SPTBN1: variants seen among roughly 807,000 people sequenced by gnomAD.
SPTBN1 encodes the protein spectrin beta chain, non-erythrocytic 1.
Under a neutral mutation model 266.4 loss-of-function variants are expected in SPTBN1, and 32 were observed. That is an observed-to-expected ratio of 0.12 (90% CI 0.09 to 0.16). SPTBN1 has a LOEUF of 0.16. Ranked by LOEUF, SPTBN1 falls within the 10% of genes least tolerant of loss-of-function variation. The pLI is 1.00. For synonymous variants in SPTBN1, 1,336 were observed against 1,162.2 expected (o/e 1.15, Z -3.04); for missense variants, 2,296 against 3,067.1 (o/e 0.75, Z 5.94).
At chr2:54,600,166 G>GC (rs1203001199) in intron 3 of SPTBN1, among the ~76,000 whole-genome samples, 1 of 152,188 alleles carries the variant, frequency 6.6e-6, no homozygotes, top group African/African-American at 2.4e-5. Flanking sequence ...GTGCAGACCT[G>GC]CCCCACACCT....
chr2:54,557,983 C>G lies in SPTBN1; in HGVS notation c.148+31417C>G, dbSNP rs553740327. On this transcript the variant is annotated intron_variant, in intron 2 of 35. Transcript: ENST00000356805. ...GCGGGCCGCGTTACCTCAGCAGACG[C>G]TAGAGAGTGAATGAGCCGCGCGGGC... The G allele has an allele frequency of 2.1e-3, 2,053 of 985,252 alleles. 3 individuals carry two copies. The highest frequency in any genetic ancestry group is 2.3e-3 in the Non-Finnish European group (1,932 of 829,768). 61.0% of individuals were successfully genotyped at this position (985,252 alleles called of 1,614,324 possible).
chr2:54,588,927 A>T (rs13420599), intron 2 of SPTBN1, among the ~76,000 whole-genome samples: 11,892 of 152,012 alleles, frequency 0.078, 1,564 homozygotes, highest in African/African-American at 0.27. Context: ...TTTGTTTTTT[A>T]AAAAATATTT....
rs776540361 is a variant in SPTBN1 at position 54,617,697 on chromosome 2, A to T, written c.647+9A>T. The stretch of plus-strand genomic sequence containing the variant: ...CTGATACACAAACACCGGTAAGTCC[A>T]TACAAATCATCCTAGCAATCGTGGG... On this transcript the variant is annotated intron_variant, in intron 6 of 35. Coordinates refer to ENST00000356805, the MANE Select transcript of SPTBN1 (RefSeq NM_003128.3). 1.9e-6 allele frequency: 3 copies of T among 1,613,562 alleles called. No homozygotes were observed. The highest frequency in any genetic ancestry group is 2.5e-6 in the Non-Finnish European group (3 of 1,179,624).
At chr2:54,466,596 A>C (rs1474889872) in intron 1 of SPTBN1, among the ~76,000 whole-genome samples, 1 of 24,834 alleles carries the variant, frequency 4.0e-5, no homozygotes, top group Non-Finnish European at 6.1e-5. Context: ...AAAAAAAAAA[A>C]AAAAAAAAAA....
intron 1 of SPTBN1, among the ~76,000 whole-genome samples, chr2:54,460,605 A>T (rs771127575): frequency 6.6e-6 from 1 of 152,202 alleles, no homozygotes; most frequent in Non-Finnish European, 1.5e-5. Flanking sequence ...GTCATCTGAT[A>T]TAGTCAATGT....
At chr2:54,475,145 G>T (rs892223263) in intron 1 of SPTBN1, among the ~76,000 whole-genome samples, 2 of 152,200 alleles carry the variant, frequency 1.3e-5, no homozygotes, top group African/African-American at 4.8e-5. Flanking sequence ...GGCAGAGGTT[G>T]CAGTGAGCTG....
chr2:54,460,169 A>G (rs1226513528), intron 1 of SPTBN1, among the ~76,000 whole-genome samples: 1 of 152,224 alleles, frequency 6.6e-6, no homozygotes, highest in Non-Finnish European at 1.5e-5. Flanking sequence ...ACATTTTAAC[A>G]AGACCTTTAA....
chr2:54,608,578 A>AG (rs1159764179), intron 3 of SPTBN1, among the ~76,000 whole-genome samples: 1 of 152,044 alleles, frequency 6.6e-6, no homozygotes, highest in Admixed American at 6.5e-5. Context: ...CCTCTACTAG[A>AG]GGGGGAGTGA....
At chr2:54,617,772 C>G in intron 6 of SPTBN1, 84 bp downstream of exon 6, 1 of 1,399,616 alleles carries the variant, frequency 7.1e-7, no homozygotes, top group East Asian at 2.3e-5. Context: ...TTTTCCATAT[C>G]CGTTGGCTTA....
At chr2:54,546,645 G>C (rs1672254913) in intron 2 of SPTBN1, 1 of 152,188 alleles carries the variant, frequency 6.6e-6, no homozygotes, top group African/African-American at 2.4e-5. Flanking sequence ...GTGGGAAATG[G>C]ATAAACTCTG....
At chr2:54,570,399 A>G (rs1372665004) in intron 2 of SPTBN1, among the ~76,000 whole-genome samples, 1 of 152,224 alleles carries the variant, frequency 6.6e-6, no homozygotes, top group Non-Finnish European at 1.5e-5. Flanking sequence ...AAATTATGCA[A>G]GTGGAAAGTT....
At chr2:54,506,795 C>T (rs1377347007) in intron 1 of SPTBN1, among the ~76,000 whole-genome samples, 1 of 151,842 alleles carries the variant, frequency 6.6e-6, no homozygotes, top group Non-Finnish European at 1.5e-5. Context: ...AACAACAAAC[C>T]AGTAGGAACA....
rs116438825 is a variant in SPTBN1, at chr2:54,472,749, T to C, written c.-48+16231T>C. The stretch of plus-strand genomic sequence containing the variant: ...GGGACTAATCTAAACAGCCAGTTAG[T>C]TTGGGTGCTCTGAATATGACATTTT... On this transcript the variant is annotated intron_variant, in intron 1 of 35. Coordinates refer to ENST00000356805, the MANE Select transcript of SPTBN1 (RefSeq NM_003128.3). Among the ~76,000 whole-genome samples, 935 of 152,088 alleles carry C rather than the reference T, an allele frequency of 6.1e-3. 10 individuals carry two copies. The highest frequency in any genetic ancestry group is 0.021 in the African/African-American group (882 of 41,486).
At chr2:54,480,419 A>G (rs1668038491) in intron 1 of SPTBN1, among the ~76,000 whole-genome samples, 1 of 152,244 alleles carries the variant, frequency 6.6e-6, no homozygotes, top group Admixed American at 6.5e-5. Context: ...CAGATGAACA[A>G]CACATCGTTT....
chr2:54,594,225 G>A (rs1440997157), intron 2 of SPTBN1, among the ~76,000 whole-genome samples: 1 of 143,206 alleles, frequency 7.0e-6, no homozygotes, highest in African/African-American at 2.9e-5. Context: ...GCTGGCTCCT[G>A]CCTCATGGGG....
chr2:54,481,631 G>A (rs768180588), intron 1 of SPTBN1, among the ~76,000 whole-genome samples: 15 of 152,040 alleles, frequency 9.9e-5, no homozygotes, highest in East Asian at 1.9e-4. Flanking sequence ...GACCAATACC[G>A]GCTTTTTAAT....
intron 2 of SPTBN1, among the ~76,000 whole-genome samples, chr2:54,576,084 T>C (rs1573450176): frequency 9.9e-6 from 1 of 100,882 alleles, no homozygotes; most frequent in African/African-American, 3.3e-5. Flanking sequence ...AGAGACAGTC[T>C]GGCTGTGTCT....
intron 1 of SPTBN1, among the ~76,000 whole-genome samples, chr2:54,507,233 C>T (rs1443256720): frequency 6.6e-6 from 1 of 152,138 alleles, no homozygotes; most frequent in Non-Finnish European, 1.5e-5. Context: ...TTCAGGCCAT[C>T]TGGATGTATA....
intron 24 of SPTBN1, among the ~76,000 whole-genome samples, chr2:54,648,504 C>T (rs763111063): frequency 5.3e-5 from 8 of 152,212 alleles, no homozygotes; most frequent in Admixed American, 4.6e-4. Context: ...CTGGCTGTGT[C>T]ATTTGTCCCT....
Sources: allele counts gnomAD v4.1 joint callset (sites outside exome capture counted in the v4.1 genomes callset), GRCh38; gene constraint gnomAD v4.1.1; transcripts MANE v1.5; gene names NCBI Gene and HGNC (gene_info 2026-07-23, HGNC 2026-07-21).